LARGE1: variants seen among roughly 807,000 people sequenced by gnomAD.
LARGE1 encodes the protein xylosyl- and glucuronyltransferase LARGE1.
A neutral mutation model predicts 87.6 loss-of-function variants in LARGE1; 43 were observed. The observed-to-expected ratio is 0.49, with a 90% confidence interval of 0.38 to 0.63. The LOEUF is 0.63. Among genes scored for constraint, LARGE1 ranks in the 30% least tolerant of loss-of-function variants. The pLI, the probability that LARGE1 is intolerant of heterozygous loss-of-function variation, is 0.00. For synonymous variants in LARGE1, 434 were observed against 394.6 expected, an observed-to-expected ratio of 1.10 and a Z score of -1.18; for missense variants, 802 against 1,000.2, an observed-to-expected ratio of 0.80 and a Z score of 2.67.
At chr22:33,145,107 T>C in the LARGE1 span, among the ~76,000 whole-genome samples, 2 of 152,096 alleles carry the variant, frequency 1.3e-5, no homozygotes, top group African/African-American at 4.8e-5. Context: ...AGAAAGTAGT[T>C]GACATGGGAG....
the LARGE1 span, among the ~76,000 whole-genome samples, chr22:33,128,270 G>A: frequency 3.3e-5 from 5 of 152,152 alleles, no homozygotes; most frequent in Admixed American, 6.6e-5. Context: ...CAAAGGAATA[G>A]AAATCATTTT....
At chr22:33,865,578 T>TC (rs2064068966) in intron 1 of LARGE1, among the ~76,000 whole-genome samples, 1 of 152,108 alleles carries the variant, frequency 6.6e-6, no homozygotes, top group Admixed American at 6.5e-5. Flanking sequence ...TGAGATCCTT[T>TC]CCATGGTGAT....
intron 6 of LARGE1, among the ~76,000 whole-genome samples, chr22:33,447,763 G>A (rs1055126505): frequency 6.6e-6 from 1 of 152,166 alleles, no homozygotes; most frequent in African/African-American, 2.4e-5. Context: ...ACAAAGGCAG[G>A]TGCAGCACAG....
intron 6 of LARGE1, among the ~76,000 whole-genome samples, chr22:33,561,900 G>A (rs768709492): frequency 3.9e-5 from 6 of 152,264 alleles, no homozygotes; most frequent in South Asian, 2.1e-4. Context: ...TAATTCTCCC[G>A]GTAATGAATT....
Position 33,384,183 on chromosome 22 carries a change from G to C in LARGE1, c.1005+9C>G. The C allele has an allele frequency of 3.8e-6, 6 of 1,597,796 alleles. No individual in the cohort carries two copies. In the South Asian group the frequency reaches 6.6e-5, roughly 18 times the overall value. ...AGGAATAGCTGCACCTTCGAACCTG[G>C]CCACTCACCTGGTCAGCTAAGGATG... is the stretch of plus-strand genomic sequence containing the variant. On this transcript the variant is annotated intron_variant, in intron 8 of 14. Transcript: ENST00000397394.
At chr22:33,847,603 G>C (rs2063471565) in intron 1 of LARGE1, among the ~76,000 whole-genome samples, 1 of 152,150 alleles carries the variant, frequency 6.6e-6, no homozygotes, top group South Asian at 2.1e-4. Context: ...TGAATAAATA[G>C]CCAGCCCCAT....
At chr22:33,496,417 T>C (rs138903716) in intron 6 of LARGE1, among the ~76,000 whole-genome samples, 111 of 152,202 alleles carry the variant, frequency 7.3e-4, no homozygotes, top group African/African-American at 2.6e-3. Context: ...ATTAGTGAGA[T>C]TAATGCCCTT....
intron 5 of LARGE1, among the ~76,000 whole-genome samples, chr22:33,581,811 CAAAAAAAAA>C (rs130418): frequency 1.0e-4 from 8 of 77,416 alleles, no homozygotes; most frequent in Non-Finnish European, 1.5e-4. Context: ...AACTCCGTCT[CAAAAAAAAA>C]AAAAAAAAAA....
chr22:33,802,888 C>T lies in LARGE1; in HGVS notation c.-82-41330G>A, dbSNP rs193039042. Among the ~76,000 whole-genome samples the T allele has an allele frequency of 1.4e-4, 21 of 152,140 alleles. No individual in the cohort carries two copies. In the East Asian group the frequency reaches 3.9e-3, roughly 28 times the overall value. ...CTCAATTCACCCCAGTACTTCAGTG[C>T]CTTGAACACAGCCTAACACATAATC... On this transcript the variant is annotated intron_variant, in intron 1 of 14. Coordinates refer to ENST00000397394, the MANE Select transcript of LARGE1 (RefSeq NM_133642.5).
chr22:33,320,053 T>G (rs1331227600), intron 10 of LARGE1, among the ~76,000 whole-genome samples: 1 of 152,240 alleles, frequency 6.6e-6, no homozygotes, highest in Non-Finnish European at 1.5e-5. Flanking sequence ...TTGAAGATTC[T>G]CACCATGCCA....
chr22:33,562,048 G>A lies in LARGE1; in HGVS notation c.787+2800C>T, dbSNP rs138460772. On this transcript the variant is annotated intron_variant, in intron 6 of 14. Transcript: ENST00000397394. ...ACATTGTATCAACATCACTCCAACC[G>A]TTTACAGTGAAGGATGTCAACGACA... is the stretch of plus-strand genomic sequence containing the variant. 1.6e-4 allele frequency among the ~76,000 whole-genome samples: 24 copies of A among 152,278 alleles called. No individual in the cohort carries two copies. In the East Asian group the frequency reaches 4.4e-3, roughly 28 times the overall value.
At chr22:33,401,138 C>T (rs897286426) in intron 7 of LARGE1, among the ~76,000 whole-genome samples, 3 of 152,152 alleles carry the variant, frequency 2.0e-5, no homozygotes, top group Admixed American at 6.5e-5. Flanking sequence ...CTCTGCTTGG[C>T]AGCCATCTCC....
chr22:33,670,198 T>A (rs2081369133), intron 2 of LARGE1, among the ~76,000 whole-genome samples: 1 of 152,114 alleles, frequency 6.6e-6, no homozygotes, highest in Admixed American at 6.5e-5. Context: ...TTATGAAATA[T>A]CTGCAGTGTC....
the LARGE1 span, among the ~76,000 whole-genome samples, chr22:33,104,885 CTCTCTCTTTCTTTCTT>C: frequency 2.8e-3 from 82 of 29,528 alleles, 1 homozygote; most frequent in African/African-American, 4.7e-3. Flanking sequence ...AATAGACTTT[CTCTCTCTTTCTTTCTT>C]TCTTTCTTTC....
chr22:33,912,797 T>G (rs934183377), intron 1 of LARGE1, among the ~76,000 whole-genome samples: 13 of 148,514 alleles, frequency 8.8e-5, no homozygotes, highest in Admixed American at 8.1e-4. Flanking sequence ...AAGCCCTAGA[T>G]ATTTCTGTTA....
rs377279378 is a variant in LARGE1, at chr22:33,787,336, A to C, written c.-82-25778T>G. On this transcript the variant is annotated intron_variant, in intron 1 of 14. Transcript: ENST00000397394. ...ATTGTCCCTGGCAATAAGTGAGTGC[A>C]CTGATCAGGACATTTTCCCTACGCT... 3.3e-5 allele frequency among the ~76,000 whole-genome samples: 5 copies of C among 152,148 alleles called. No individual in the cohort carries two copies. The East Asian group carries it at 9.6e-4, about 29-fold the overall frequency.
intron 3 of LARGE1, among the ~76,000 whole-genome samples, chr22:33,648,840 A>C (rs1023823136): frequency 2.6e-5 from 4 of 152,210 alleles, no homozygotes; most frequent in African/African-American, 9.6e-5. Flanking sequence ...AGATGTAAGA[A>C]CCAGAGGGAA....
At chr22:33,880,083 C>T (rs993954330) in intron 1 of LARGE1, among the ~76,000 whole-genome samples, 1 of 152,200 alleles carries the variant, frequency 6.6e-6, no homozygotes, top group Non-Finnish European at 1.5e-5. Flanking sequence ...CCAATTGTCA[C>T]CTCTCCATTT....
intron 5 of LARGE1, 66 bp from the exon 6 acceptor site, chr22:33,565,085 C>T: frequency 6.9e-7 from 1 of 1,443,532 alleles, no homozygotes; most frequent in Admixed American, 1.7e-5. Flanking sequence ...TAATTCTTTG[C>T]TTAAACATTA....
Sources: allele counts gnomAD v4.1 joint callset (sites outside exome capture counted in the v4.1 genomes callset), GRCh38; gene constraint gnomAD v4.1.1; transcripts MANE v1.5; gene names NCBI Gene and HGNC (gene_info 2026-07-23, HGNC 2026-07-21).